The following TMEM132D variants were observed in gnomAD, a reference collection of about 807,000 sequenced individuals.
TMEM132D encodes transmembrane protein 132D, also known as mature OL transmembrane protein.
A neutral mutation model predicts 62.3 loss-of-function variants in TMEM132D; 21 were observed. That is an observed-to-expected ratio of 0.34 (90% CI 0.24 to 0.49). TMEM132D has a LOEUF of 0.49. Among genes scored for constraint, TMEM132D ranks in the 20% least tolerant of loss-of-function variants. TMEM132D has a pLI of 0.99. For synonymous variants in TMEM132D, 621 were observed against 575.6 expected (o/e 1.08, Z -1.13); for missense variants, 1,346 against 1,402.8 (o/e 0.96, Z 0.65).
At chr12:129,431,150 C>T (rs906754849) in intron 3 of TMEM132D, among the ~76,000 whole-genome samples, 1 of 152,210 alleles carries the variant, frequency 6.6e-6, no homozygotes, top group African/African-American at 2.4e-5. Flanking sequence ...CCAGCCTCTA[C>T]CTCATTTAGT....
intron 3 of TMEM132D, among the ~76,000 whole-genome samples, chr12:129,406,048 C>T (rs532232312): frequency 6.6e-6 from 1 of 152,194 alleles, no homozygotes; most frequent in Non-Finnish European, 1.5e-5. Context: ...ATTCTTTCTT[C>T]ATAAACACAC....
intron 1 of TMEM132D, among the ~76,000 whole-genome samples, chr12:129,732,250 G>T (rs1869274358): frequency 6.6e-6 from 1 of 152,110 alleles, no homozygotes; most frequent in Non-Finnish European, 1.5e-5. Flanking sequence ...CCTGTTCCTG[G>T]AACAAAGCTA....
chr12:129,873,276 C>T (rs1252128547), intron 1 of TMEM132D, among the ~76,000 whole-genome samples: 8 of 152,052 alleles, frequency 5.3e-5, no homozygotes, highest in Admixed American at 2.0e-4. Flanking sequence ...GGCCTCCGAA[C>T]AGATGCATTA....
chr12:129,453,084 G>A (rs568558769), intron 3 of TMEM132D, among the ~76,000 whole-genome samples: 2 of 152,292 alleles, frequency 1.3e-5, no homozygotes, highest in African/African-American at 4.8e-5. Context: ...AAACCCTATT[G>A]TGAACTGCGT....
chr12:129,077,047 ACT>A (rs1032339430), intron 8 of TMEM132D, among the ~76,000 whole-genome samples: 2 of 152,194 alleles, frequency 1.3e-5, no homozygotes, highest in Admixed American at 6.5e-5. Context: ...CTAACCCAAA[ACT>A]CTGCAAACAA....
At chr12:129,435,594 G>C (rs973847245) in intron 3 of TMEM132D, among the ~76,000 whole-genome samples, 1 of 152,030 alleles carries the variant, frequency 6.6e-6, no homozygotes, top group Non-Finnish European at 1.5e-5. Context: ...TTTTCTGCTT[G>C]CCACCTCCAG....
At chr12:129,130,343 G>A (rs116459762) in intron 5 of TMEM132D, among the ~76,000 whole-genome samples, 72 of 149,074 alleles carry the variant, frequency 4.8e-4, no homozygotes, top group African/African-American at 1.6e-3. Context: ...AGACCCCCCC[G>A]CCCGCCACAG....
chr12:129,339,939 T>C (rs1869413829), intron 3 of TMEM132D, among the ~76,000 whole-genome samples: 1 of 152,160 alleles, frequency 6.6e-6, no homozygotes. Flanking sequence ...TTCCTTGACC[T>C]CAAATAAAAA....
At chr12:129,732,467 G>A (rs914679978) in intron 1 of TMEM132D, among the ~76,000 whole-genome samples, 9 of 152,194 alleles carry the variant, frequency 5.9e-5, no homozygotes, top group African/African-American at 1.9e-4. Flanking sequence ...TTGAATCAGA[G>A]GGGCCGATGC....
intron 2 of TMEM132D, among the ~76,000 whole-genome samples, chr12:129,540,009 C>A (rs1876541293): frequency 1.3e-5 from 2 of 152,124 alleles, no homozygotes; most frequent in Non-Finnish European, 2.9e-5. Flanking sequence ...TCCTGTCTCT[C>A]CTGGAATACA....
intron 3 of TMEM132D, among the ~76,000 whole-genome samples, chr12:129,369,930 C>T (rs1318625861): frequency 3.9e-5 from 6 of 152,112 alleles, no homozygotes; most frequent in Admixed American, 1.3e-4. Flanking sequence ...TCAAATGCTG[C>T]GGAAGCCAGG....
At chr12:129,424,897 G>A (rs933207182) in intron 3 of TMEM132D, among the ~76,000 whole-genome samples, 5 of 151,996 alleles carry the variant, frequency 3.3e-5, no homozygotes, top group Non-Finnish European at 5.9e-5. Context: ...ATTTTAGGAC[G>A]TTTTCATCAC....
chr12:129,820,695 T>C (rs1044263161), intron 1 of TMEM132D, among the ~76,000 whole-genome samples: 5 of 152,326 alleles, frequency 3.3e-5, no homozygotes, highest in African/African-American at 1.2e-4. Context: ...AGAAATGATT[T>C]ATATGCATGC....
intron 2 of TMEM132D, among the ~76,000 whole-genome samples, chr12:129,623,718 T>TATGC (rs1565926924): frequency 0.028 from 3,154 of 111,878 alleles, 114 homozygotes; most frequent in African/African-American, 0.087. Context: ...CATATGCATA[T>TATGC]ATATACATAC....
intron 3 of TMEM132D, among the ~76,000 whole-genome samples, chr12:129,487,804 G>T (rs1874630588): frequency 6.6e-6 from 1 of 151,796 alleles, no homozygotes; most frequent in Non-Finnish European, 1.5e-5. Context: ...GGGCATGGTG[G>T]CAGGCACCTG....
intron 5 of TMEM132D, chr12:129,208,711 GC>G (rs1565997894): frequency 1.3e-5 from 2 of 152,204 alleles, no homozygotes; most frequent in African/African-American, 4.8e-5. Context: ...TTTGTTGGCA[GC>G]CTCCTCCTTT....
chr12:129,156,278 G>A (rs1441924380), intron 5 of TMEM132D, among the ~76,000 whole-genome samples: 1 of 141,646 alleles, frequency 7.1e-6, no homozygotes, highest in Non-Finnish European at 1.5e-5. Context: ...CTCTCCTGAA[G>A]TAACTAACTC....
chr12:129,815,671 G>T lies in TMEM132D; in HGVS notation c.79+87590C>A, dbSNP rs140296684. 2.3e-3 allele frequency among the ~76,000 whole-genome samples: 356 copies of T among 152,300 alleles called. 2 individuals carry two copies. Among genetic ancestry groups the T allele is most frequent in the African/African-American group, 8.3e-3 (345 of 41,552 alleles). ...ACAGGATGTGTTTATGTGTGCGGGG[G>T]ATCTGTGTTGCTGTCTGAATGCTCC... is the stretch of plus-strand genomic sequence containing the variant. On this transcript the variant is annotated intron_variant, in intron 1 of 8. Coordinates refer to ENST00000422113, the MANE Select transcript of TMEM132D (RefSeq NM_133448.3).
rs928632112 is a variant in TMEM132D, at chr12:129,325,547, A to T, written c.1299+12087T>A. On this transcript the variant is annotated intron_variant, in intron 4 of 8. Coordinates refer to ENST00000422113, the MANE Select transcript of TMEM132D (RefSeq NM_133448.3). ...TAGGTGGTTCTTTCTTGTGAGAAAT[A>T]CAACAAGTCTCACGGATACAAGAGA... 4.6e-5 allele frequency among the ~76,000 whole-genome samples: 7 copies of T among 152,204 alleles called. 1 individual carries two copies. Among genetic ancestry groups the T allele is most frequent in the Admixed American group, 1.3e-4 (2 of 15,282 alleles).
Sources: allele counts gnomAD v4.1 joint callset (sites outside exome capture counted in the v4.1 genomes callset), GRCh38; gene constraint gnomAD v4.1.1; transcripts MANE v1.5; gene names NCBI Gene and HGNC (gene_info 2026-07-23, HGNC 2026-07-21).